Variants in FGD4 observed in about 807,000 individuals in gnomAD.
FGD4 encodes the protein FYVE, RhoGEF and PH domain-containing protein 4.
Under a neutral mutation model 102.0 loss-of-function variants are expected in FGD4, and 42 were observed. The ratio of observed to expected loss-of-function variants is 0.41; its 90% CI spans 0.32 to 0.53. FGD4 has a LOEUF of 0.53. Ranked by LOEUF, FGD4 falls within the 20% of genes least tolerant of loss-of-function variation. FGD4 has a pLI of 0.21. For missense variants in FGD4, 902 were observed against 1,078.2 expected, an observed-to-expected ratio of 0.84 and a Z score of 2.29; for synonymous variants, 380 against 375.7, an observed-to-expected ratio of 1.01 and a Z score of -0.13.
chr12:32,553,882 A>T (rs921426687), intron 1 of FGD4, among the ~76,000 whole-genome samples: 1 of 152,184 alleles, frequency 6.6e-6, no homozygotes, highest in Non-Finnish European at 1.5e-5. Context: ...AGGCAGGAGG[A>T]TTGCTTCACA....
At chr12:32,559,278 A>T (rs1167963893) in intron 1 of FGD4, among the ~76,000 whole-genome samples, 1 of 152,200 alleles carries the variant, frequency 6.6e-6, no homozygotes, top group Non-Finnish European at 1.5e-5. Context: ...TGTTTAATGA[A>T]AGGGTGCTTC....
intron 1 of FGD4, among the ~76,000 whole-genome samples, chr12:32,452,757 G>A (rs972636259): frequency 1.3e-5 from 2 of 152,146 alleles, no homozygotes; most frequent in South Asian, 2.1e-4. Flanking sequence ...GGCCGAAGCA[G>A]GAAGATCATG....
At chr12:32,601,445 T>C (rs747013691) in intron 6 of FGD4, 22 bp downstream of exon 6, 16 of 1,608,672 alleles carry the variant, frequency 9.9e-6, no homozygotes, top group Non-Finnish European at 1.1e-5. Flanking sequence ...AGATAGAAAA[T>C]GATATGTTTA....
intron 7 of FGD4, 80 bp from the exon 8 acceptor site, chr12:32,607,877 G>T: frequency 6.5e-7 from 1 of 1,543,590 alleles, no homozygotes; most frequent in Admixed American, 1.7e-5. Context: ...TGCCCTTGAC[G>T]AAAGTTCTGT....
chr12:32,472,685 C>G (rs995086860), intron 1 of FGD4, among the ~76,000 whole-genome samples: 2 of 152,248 alleles, frequency 1.3e-5, no homozygotes, highest in East Asian at 3.8e-4. Flanking sequence ...GAGTGCGGGG[C>G]GCAGGACTGG....
Position 32,611,194 on chromosome 12 carries a change from G to T in FGD4, c.1660G>T (p.Val554Leu). 6.2e-7 allele frequency: 1 copy of T among 1,614,182 alleles called. No individual in the cohort carries two copies. The highest frequency in any genetic ancestry group is 8.5e-7 in the Non-Finnish European group (1 of 1,180,020). ...YEMLGEEEDIVNPSNELIKEG... is the reference protein window; with the variant it reads ...YEMLGEEEDILNPSNELIKEG... ...AATGTTGGGAGAAGAAGAAGACATTGTAAACCCTTCAAATGAACTAATAAA... is the reference window on the plus strand; with the variant it reads ...AATGTTGGGAGAAGAAGAAGACATTTTAAACCCTTCAAATGAACTAATAAA... The change falls in exon 10 of 17, where the codon GTA becomes TTA. Residue 554 changes from valine (V) to leucine (L), a missense_variant. Transcript: ENST00000534526.
At chr12:32,495,716 G>A (rs949740863) in intron 1 of FGD4, among the ~76,000 whole-genome samples, 6 of 101,332 alleles carry the variant, frequency 5.9e-5, no homozygotes, top group Admixed American at 2.0e-4. Context: ...AAAAAAAGAA[G>A]CTTTTCAGAA....
At chr12:32,605,455 A>G (rs565557043) in intron 7 of FGD4, among the ~76,000 whole-genome samples, 1 of 152,136 alleles carries the variant, frequency 6.6e-6, no homozygotes, top group South Asian at 2.1e-4. Flanking sequence ...TTTGCCTTCT[A>G]CATTCTTCTT....
intron 1 of FGD4, among the ~76,000 whole-genome samples, chr12:32,446,227 C>G (rs1942611224): frequency 6.6e-6 from 1 of 152,130 alleles, no homozygotes; most frequent in African/African-American, 2.4e-5. Flanking sequence ...TTCGAATGGC[C>G]TAGACAAGGT....
intron 14 of FGD4, among the ~76,000 whole-genome samples, chr12:32,626,586 C>T (rs1219056258): frequency 6.6e-6 from 1 of 152,038 alleles, no homozygotes; most frequent in Admixed American, 6.6e-5. Flanking sequence ...TGCCAAAGAT[C>T]ATGAGGCTGG....
chr12:32,634,772 C>T (rs1004706491), intron 15 of FGD4, among the ~76,000 whole-genome samples: 1 of 152,248 alleles, frequency 6.6e-6, no homozygotes, highest in Non-Finnish European at 1.5e-5. Flanking sequence ...AGTTGGATCA[C>T]GAGGTCAAGA....
At chr12:32,436,053 AATGACG>A (rs1225016442) in intron 1 of FGD4, among the ~76,000 whole-genome samples, 3 of 152,180 alleles carry the variant, frequency 2.0e-5, no homozygotes, top group African/African-American at 7.2e-5. Context: ...GAGGACACAG[AATGACG>A]ATTTCATTTA....
intron 1 of FGD4, among the ~76,000 whole-genome samples, chr12:32,486,355 T>C (rs1943899886): frequency 6.6e-6 from 1 of 152,200 alleles, no homozygotes; most frequent in Non-Finnish European, 1.5e-5. Context: ...GTGTGCTTTT[T>C]CTTATCTTCA....
chr12:32,574,338 T>C (rs1255708063), intron 2 of FGD4, among the ~76,000 whole-genome samples: 1 of 148,484 alleles, frequency 6.7e-6, no homozygotes, highest in African/African-American at 2.6e-5. Flanking sequence ...AGTGTTTTTT[T>C]TTTTTTTTTG....
intron 1 of FGD4, among the ~76,000 whole-genome samples, chr12:32,563,412 G>A (rs1350530994): frequency 1.3e-5 from 2 of 151,928 alleles, no homozygotes; most frequent in Non-Finnish European, 2.9e-5. Context: ...GGGCGGCCGG[G>A]CAGAGACGCT....
At chr12:32,538,173 C>T (rs2136109751) in intron 1 of FGD4, among the ~76,000 whole-genome samples, 1 of 152,316 alleles carries the variant, frequency 6.6e-6, no homozygotes, top group East Asian at 1.9e-4. Flanking sequence ...GCTGGGATTA[C>T]AGGTGTGAGC....
chr12:32,598,937 G>T lies in FGD4; in HGVS notation c.1101+351G>T, dbSNP rs892508095. On this transcript the variant is annotated intron_variant, in intron 5 of 16. Transcript: ENST00000534526. The stretch of plus-strand genomic sequence containing the variant: ...TATTGATGATTCTAATGCTAAGATG[G>T]ATGTGTCATTGATTCTGTTTGCCTC... Among the ~76,000 whole-genome samples the T allele has an allele frequency of 7.2e-5, 11 of 152,182 alleles. No individual in the cohort carries two copies. In the East Asian group the frequency reaches 1.2e-3, roughly 16 times the overall value.
intron 4 of FGD4, among the ~76,000 whole-genome samples, chr12:32,596,006 GAA>G (rs1198768828): frequency 1.3e-5 from 2 of 152,190 alleles, no homozygotes; most frequent in Admixed American, 1.3e-4. Flanking sequence ...AGTATTCATA[GAA>G]CTTAATAGCA....
chr12:32,515,851 G>A (rs561745983), intron 1 of FGD4, among the ~76,000 whole-genome samples: 3 of 152,244 alleles, frequency 2.0e-5, no homozygotes, highest in African/African-American at 4.8e-5. Flanking sequence ...GATGGATATG[G>A]GCCAAAATCC....
Sources: allele counts gnomAD v4.1 joint callset (sites outside exome capture counted in the v4.1 genomes callset), GRCh38; gene constraint gnomAD v4.1.1; transcripts MANE v1.5; gene names NCBI Gene and HGNC (gene_info 2026-07-23, HGNC 2026-07-21).